CHTOP: variants seen among roughly 807,000 people sequenced by gnomAD.
CHTOP encodes the protein chromatin target of PRMT1.
A neutral mutation model predicts 33.6 loss-of-function variants in CHTOP; 18 were observed. The ratio of observed to expected loss-of-function variants is 0.54; its 90% confidence interval spans 0.37 to 0.80. The LOEUF (loss-of-function observed/expected upper bound fraction) is 0.80, where lower values mean the gene tolerates loss of function less well. Among genes scored for constraint, CHTOP ranks in the 30% least tolerant of loss-of-function variants. CHTOP has a pLI of 0.00. For missense variants in CHTOP, 263 were observed against 336.8 expected, an observed-to-expected ratio of 0.78 and a Z score of 1.71; for synonymous variants, 117 against 127.7, an observed-to-expected ratio of 0.92 and a Z score of 0.56.
Position 153,646,091 on chromosome 1 carries a change from A to G in CHTOP, c.*822A>G, listed in dbSNP as rs1668817023. 1 of 152,290 alleles carries G rather than the reference A, an allele frequency of 6.6e-6. No homozygotes were observed. Among genetic ancestry groups the G allele is most frequent in the Non-Finnish European group, 1.5e-5 (1 of 68,076 alleles). 9.4% of individuals were successfully genotyped at this position (152,290 alleles called of 1,614,324 possible). A position where few individuals can be genotyped will look rare whatever the true frequency, so the allele number is the denominator to read the frequency against. On this transcript the variant is annotated 3_prime_UTR_variant, in exon 6 of 6. Coordinates refer to ENST00000368694, the MANE Select transcript of CHTOP (RefSeq NM_015607.4). ...GTGTGTCAGAAGGGAGAATGATGGCAGACGAACTGCTGGAAGAGGTCAGAA... is the reference window on the plus strand; with the variant it reads ...GTGTGTCAGAAGGGAGAATGATGGCGGACGAACTGCTGGAAGAGGTCAGAA...
chr1:153,645,249 G>A lies in CHTOP; in HGVS notation c.727G>A (p.Asp243Asn). The change falls in exon 6 of 6, where the codon GAT becomes AAT. Residue 243 changes from aspartate (D) to asparagine (N), a missense_variant. By Grantham distance (23) the Asp-to-Asn change is conservative. Around this residue, in one of 3 missense-constraint regions of CHTOP, gnomAD observed 22 missense variants for 47.9 expected, o/e 0.46. Transcript: ENST00000368694. ...AELDAYMAQT[D>N]PETND ...GTTGGATGCCTACATGGCGCAGACA[G>A]ATCCCGAAACCAATGATTGAAGCCT... 6.2e-7 allele frequency: 1 copy of A among 1,614,222 alleles called. No individual in the cohort carries two copies. The highest frequency in any genetic ancestry group is 1.1e-5 in the South Asian group (1 of 91,088).
At chr1:153,635,907 C>A (rs999250131) in intron 1 of CHTOP, among the ~76,000 whole-genome samples, 9 of 151,422 alleles carry the variant, frequency 5.9e-5, no homozygotes, top group African/African-American at 2.2e-4. Context: ...TTTTGTGGGC[C>A]TTGAAGTTTG....
Position 153,642,399 on chromosome 1 carries a change from A to T in CHTOP, c.373A>T (p.Thr125Ser), listed in dbSNP as rs1404889745. The change falls in exon 4 of 6, where the codon ACC becomes TCC. Residue 125 changes from threonine (T) to serine (S), a missense_variant. Physicochemically the swap from Thr to Ser is moderately conservative, Grantham distance 58 (BLOSUM62 1). Around this residue, in one of 3 missense-constraint regions of CHTOP, gnomAD observed 168 missense variants for 179.9 expected, o/e 0.93. Coordinates refer to ENST00000368694, the MANE Select transcript of CHTOP (RefSeq NM_015607.4). The part of the protein sequence containing the change: ...GGLRGGRATR[T>S]LLRGGMSLRG... ...ACTACGTGGGGGACGTGCCACCAGA[A>T]CCCTACTTAGGGGCGGGATGTCACT... 1.9e-6 allele frequency: 3 copies of T among 1,613,446 alleles called. No individual in the cohort carries two copies. In the African/African-American group the frequency reaches 4.0e-5, roughly 22 times the overall value.
chr1:153,640,393 C>T (rs1668577145), intron 3 of CHTOP, among the ~76,000 whole-genome samples: 1 of 151,906 alleles, frequency 6.6e-6, no homozygotes, highest in Admixed American at 6.6e-5. Context: ...CTCTTGAACC[C>T]AGGAAGTGGA....
Position 153,643,365 on chromosome 1 carries a change from G to T in CHTOP, c.541+1G>T. The T allele has an allele frequency of 6.5e-7, 1 of 1,539,142 alleles. No individual in the cohort carries two copies. The highest frequency in any genetic ancestry group is 8.7e-7 in the Non-Finnish European group (1 of 1,146,834). On this transcript the variant is annotated splice_donor_variant, in intron 5 of 5. Transcript: ENST00000368694. LOFTEE classifies it high-confidence loss of function. ...GGTCGTGGCGGAATCGGTGGTAGAG[G>T]TTAGTCAGCTACCAACTTCAGAGAG...
chr1:153,639,133 G>A (rs539151675), intron 3 of CHTOP, among the ~76,000 whole-genome samples: 2 of 151,994 alleles, frequency 1.3e-5, no homozygotes, highest in Admixed American at 6.6e-5. Flanking sequence ...CACCCGCCTC[G>A]GCCTCCCAAA....
chr1:153,642,315 A>C lies in CHTOP; in HGVS notation c.289A>C (p.Arg97=), dbSNP rs1668654207. The change falls in exon 4 of 6, where the codon AGG becomes CGG. Residue 97 remains arginine (R), a synonymous_variant. Coordinates refer to ENST00000368694, the MANE Select transcript of CHTOP (RefSeq NM_015607.4). ...AGGCCGACCCATAGGGGCCCTGGCC[A>C]GGGGAGCAATCGGAGGACGAGGCCT... is the stretch of plus-strand genomic sequence containing the variant. The part of the protein sequence containing the change: ...RLGRPIGALA[R]GAIGGRGLPI... The C allele has an allele frequency of 6.2e-7, 1 of 1,614,216 alleles. No homozygotes were observed. Among genetic ancestry groups the C allele is most frequent in the East Asian group, 2.2e-5 (1 of 44,884 alleles).
intron 1 of CHTOP, 92 bp from the exon 2 acceptor site, chr1:153,636,480 G>C: frequency 1.1e-6 from 1 of 938,840 alleles, no homozygotes; most frequent in Non-Finnish European, 1.7e-6. Flanking sequence ...TCAGTGATAA[G>C]GCCTTTTTAT....
intron 3 of CHTOP, among the ~76,000 whole-genome samples, chr1:153,639,015 G>A (rs762011366): frequency 6.6e-5 from 10 of 151,914 alleles, no homozygotes; most frequent in Non-Finnish European, 1.5e-5. Context: ...CGAACAGCTG[G>A]GACTAAAGGT....
chr1:153,635,502 G>T (rs1266942901), intron 1 of CHTOP, among the ~76,000 whole-genome samples: 1 of 151,506 alleles, frequency 6.6e-6, no homozygotes, highest in Non-Finnish European at 1.5e-5. Context: ...ATGTAGTCAA[G>T]GTTGAAAATG....
Position 153,636,619 on chromosome 1 carries a change from C to G in CHTOP, c.31C>G (p.Leu11Val). The G allele has an allele frequency of 6.2e-7, 1 of 1,613,738 alleles. No individual in the cohort carries two copies. Among genetic ancestry groups the G allele is most frequent in the Non-Finnish European group, 8.5e-7 (1 of 1,179,694 alleles). The change falls in exon 2 of 6, where the codon CTA (leucine) becomes GTA (valine). Residue 11 changes from leucine to valine, a missense_variant. By Grantham distance (32) the Leu-to-Val change is conservative. Around this residue, in one of 3 missense-constraint regions of CHTOP, gnomAD observed 73 missense variants for 108.9 expected, o/e 0.67. Transcript: ENST00000368694. MAAQSAPKVV[L>V]KSTTKMSLNE... ...TGCACAGTCAGCGCCGAAAGTTGTG[C>G]TAAAAAGCACCACCAAGATGTCTCT...
At chr1:153,644,100 A>T (rs907515364) in intron 5 of CHTOP, 1 of 152,192 alleles carries the variant, frequency 6.6e-6, no homozygotes, top group Admixed American at 6.5e-5. Flanking sequence ...GAAAAAAAAC[A>T]CTATTGAAGC....
intron 4 of CHTOP, chr1:153,642,911 G>A (rs1018081343): frequency 5.6e-4 from 208 of 369,826 alleles, no homozygotes; most frequent in Non-Finnish European, 8.3e-4. Context: ...AATCTGTTGA[G>A]ATCAGGAACC....
At chr1:153,641,263 A>C (rs1257742912) in intron 3 of CHTOP, among the ~76,000 whole-genome samples, 1 of 152,244 alleles carries the variant, frequency 6.6e-6, no homozygotes, top group Non-Finnish European at 1.5e-5. Flanking sequence ...TATACAATTT[A>C]TTTTCTTTCA....
intron 2 of CHTOP, chr1:153,637,754 T>G (rs1668461040): frequency 6.5e-6 from 1 of 153,132 alleles, no homozygotes; most frequent in Non-Finnish European, 1.5e-5. Flanking sequence ...GCATATGTGC[T>G]TCTCTCCTTA....
intron 2 of CHTOP, 61 bp downstream of exon 2, chr1:153,636,714 G>A (rs1668420165): frequency 6.9e-7 from 1 of 1,454,966 alleles, no homozygotes; most frequent in Non-Finnish European, 9.6e-7. Flanking sequence ...ACTTGGCCCT[G>A]GGGTCCAATG....
In CHTOP at chr1:153,638,330, C is replaced by T. The variant is rs1668487177; in HGVS notation, c.101C>T (p.Pro34Leu). Residue 34 changes from proline to leucine, a missense_variant, in exon 3 of 6, where the codon CCA becomes CTA. Pro to Leu is a moderately conservative substitution (Grantham distance 98). This residue lies in a region of CHTOP where 73 missense variants were observed against 108.9 expected (regional missense o/e 0.67). Coordinates refer to ENST00000368694, the MANE Select transcript of CHTOP (RefSeq NM_015607.4). ...ATGCTGAAGAACAAACAGCCGACGC[C>T]AGTGAATATTCGGGCTTCGATGCAG... Reference protein sequence around the residue: ...TNMLKNKQPTPVNIRASMQQQ... With the variant: ...TNMLKNKQPTLVNIRASMQQQ... The T allele has an allele frequency of 6.2e-7, 1 of 1,614,226 alleles. No homozygotes were observed. Among genetic ancestry groups the T allele is most frequent in the East Asian group, 2.2e-5 (1 of 44,892 alleles).
chr1:153,641,071 T>TA (rs1402857534), intron 3 of CHTOP, among the ~76,000 whole-genome samples: 4 of 152,226 alleles, frequency 2.6e-5, no homozygotes, highest in African/African-American at 9.6e-5. Context: ...GACAGGCCGT[T>TA]ACGGTTGGTT....
intron 1 of CHTOP, among the ~76,000 whole-genome samples, chr1:153,636,273 A>G (rs1052044507): frequency 1.3e-5 from 2 of 151,924 alleles, no homozygotes; most frequent in Non-Finnish European, 2.9e-5. Context: ...ATAGAAACTT[A>G]AGAACTTTTG....
Sources: allele counts gnomAD v4.1 joint callset (sites outside exome capture counted in the v4.1 genomes callset), GRCh38; gene constraint gnomAD v4.1.1; regional missense constraint gnomAD v4.1.1; transcripts MANE v1.5; gene names NCBI Gene and HGNC (gene_info 2026-07-23, HGNC 2026-07-21).